The following IQCK variants were observed in gnomAD, a reference collection of about 807,000 sequenced individuals.
IQCK encodes IQ domain-containing protein K.
A neutral mutation model predicts 28.1 loss-of-function variants in IQCK; 29 were observed. That is an observed-to-expected ratio of 1.03 (90% confidence interval 0.77 to 1.41). IQCK has a LOEUF of 1.41. IQCK is among the 40% of genes most tolerant of loss of function. IQCK has a pLI of 0.00. For synonymous variants in IQCK, 113 were observed against 115.1 expected (o/e 0.98, Z 0.12); for missense variants, 359 against 314.7 (o/e 1.14, Z -1.07).
At chr16:19,731,299 A>G (rs1275549720) in intron 2 of IQCK, among the ~76,000 whole-genome samples, 2 of 152,182 alleles carry the variant, frequency 1.3e-5, no homozygotes, top group Non-Finnish European at 2.9e-5. Flanking sequence ...ACGGAGTTTA[A>G]AATTTTTAAA....
At chr16:19,770,964 T>G (rs2055312106) in intron 6 of IQCK, among the ~76,000 whole-genome samples, 1 of 152,208 alleles carries the variant, frequency 6.6e-6, no homozygotes, top group South Asian at 2.1e-4. Context: ...TTTTAAGGAC[T>G]CCTGTGATTA....
intron 6 of IQCK, among the ~76,000 whole-genome samples, chr16:19,770,634 CG>C (rs1232046657): frequency 4.7e-5 from 1 of 21,076 alleles, no homozygotes; most frequent in Non-Finnish European, 1.7e-4. Context: ...TTTTGGGGGG[CG>C]GGGGGGTGAC....
chr16:19,784,469 A>G (rs2055535791), intron 6 of IQCK, among the ~76,000 whole-genome samples: 1 of 152,158 alleles, frequency 6.6e-6, no homozygotes, highest in South Asian at 2.1e-4. Flanking sequence ...GTGTGGATTT[A>G]ACAAAATCAC....
intron 6 of IQCK, among the ~76,000 whole-genome samples, chr16:19,764,901 G>T (rs1367361912): frequency 7.5e-6 from 1 of 132,678 alleles, no homozygotes; most frequent in Non-Finnish European, 1.6e-5. Flanking sequence ...GGGTTTCACC[G>T]TGTTGGCCGG....
chr16:19,833,112 G>A (rs1228333483), intron 9 of IQCK, among the ~76,000 whole-genome samples: 6 of 152,050 alleles, frequency 3.9e-5, no homozygotes, highest in Non-Finnish European at 8.8e-5. Context: ...TGTGTGGTGA[G>A]GACACTTAAA....
exon 1 of IQCK, chr16:19,718,408 C>T (rs374031829): frequency 6.2e-7 from 1 of 1,605,344 alleles, no homozygotes. Context: ...CCGTGTCTCT[C>T]GCGTCCCGCG....
chr16:19,743,086 G>A (rs570848140), intron 4 of IQCK, among the ~76,000 whole-genome samples: 3 of 152,270 alleles, frequency 2.0e-5, no homozygotes, highest in South Asian at 2.1e-4. Flanking sequence ...CAGGAGAATC[G>A]CTTGAACCCA....
intron 6 of IQCK, among the ~76,000 whole-genome samples, chr16:19,775,297 G>A (rs567814138): frequency 3.3e-5 from 5 of 151,088 alleles, no homozygotes; most frequent in African/African-American, 7.3e-5. Context: ...TAGAGGTAAC[G>A]CATAAAATAG....
At chr16:19,748,506 A>G (rs1257659010) in intron 4 of IQCK, among the ~76,000 whole-genome samples, 1 of 152,218 alleles carries the variant, frequency 6.6e-6, no homozygotes, top group Non-Finnish European at 1.5e-5. Context: ...TGTTGTGAGG[A>G]TAAATGAGTT....
At chr16:19,847,756 T>A (rs1402961146) in intron 9 of IQCK, among the ~76,000 whole-genome samples, 1 of 152,230 alleles carries the variant, frequency 6.6e-6, no homozygotes, top group Non-Finnish European at 1.5e-5. Context: ...GATTATTGGG[T>A]TATATCCACC....
chr16:19,784,645 A>G (rs2055538216), intron 6 of IQCK, among the ~76,000 whole-genome samples: 1 of 152,238 alleles, frequency 6.6e-6, no homozygotes, highest in Admixed American at 6.5e-5. Context: ...TCAGACCAGT[A>G]CAAGATTTGA....
At chr16:19,823,938 AT>A (rs66559660) in intron 7 of IQCK, among the ~76,000 whole-genome samples, 18,926 of 149,818 alleles carry the variant, frequency 0.13, 1,549 homozygotes, top group East Asian at 0.25. Context: ...CTCTTAAAAA[AT>A]AAATAAATAA....
At chr16:19,724,322 A>T (rs1057043816) in intron 1 of IQCK, among the ~76,000 whole-genome samples, 25 of 152,164 alleles carry the variant, frequency 1.6e-4, no homozygotes, top group African/African-American at 5.8e-4. Context: ...TTCACTTATC[A>T]TAACCCCTGG....
At chr16:19,856,417 C>A in intron 9 of IQCK, 70 bp from the exon 9 acceptor site, 1 of 1,321,320 alleles carries the variant, frequency 7.6e-7, no homozygotes, top group Admixed American at 1.8e-5. Context: ...ATCAGAGTTT[C>A]CGGTTTCCCA....
In IQCK at chr16:19,765,201, G is replaced by A. The variant is rs976477527; in HGVS notation, c.605+1089G>A. Among the ~76,000 whole-genome samples the A allele has an allele frequency of 3.2e-3, 434 of 135,102 alleles. 1 individual carries two copies. The highest frequency in any genetic ancestry group is 8.8e-3 in the Middle Eastern group (2 of 228). The allele number at this position is 135,102 out of a possible 152,430, so 88.6% of individuals were successfully genotyped here. ...GGCTCCACTGCACTCCAGCCTGGGC[G>A]ACAGAGTGAGACTCCATCTCAAAAA... On this transcript the variant is annotated intron_variant, in intron 6 of 7. Coordinates refer to ENST00000564186, the Ensembl canonical transcript of IQCK.
chr16:19,851,590 A>G (rs2056482813), intron 9 of IQCK, among the ~76,000 whole-genome samples: 1 of 152,110 alleles, frequency 6.6e-6, no homozygotes, highest in Non-Finnish European at 1.5e-5. Context: ...AGATGTACTG[A>G]GTCTTATTAG....
chr16:19,730,717 C>CTATG (rs1481211833), intron 2 of IQCK, among the ~76,000 whole-genome samples: 2,902 of 148,584 alleles, frequency 0.02, 77 homozygotes, highest in African/African-American at 0.071. Flanking sequence ...GTTTGTCTGT[C>CTATG]TATCTATCTG....
chr16:19,718,754 C>T (rs1259811395), intron 1 of IQCK, among the ~76,000 whole-genome samples: 1 of 148,264 alleles, frequency 6.7e-6, no homozygotes, highest in African/African-American at 2.5e-5. Flanking sequence ...GAGAACCATG[C>T]GGTGTGGACC....
At chr16:19,813,310 A>G (rs959750353) in intron 7 of IQCK, among the ~76,000 whole-genome samples, 18 of 152,214 alleles carry the variant, frequency 1.2e-4, no homozygotes, top group Non-Finnish European at 2.1e-4. Context: ...ATATTGAGTG[A>G]CAGTATTCCA....
Sources: allele counts gnomAD v4.1 joint callset (sites outside exome capture counted in the v4.1 genomes callset), GRCh38; gene constraint gnomAD v4.1.1; transcripts MANE v1.5; gene names NCBI Gene and HGNC (gene_info 2026-07-23, HGNC 2026-07-21).